HYDIN: variants seen among roughly 807,000 people sequenced by gnomAD.
HYDIN encodes HYDIN axonemal central pair apparatus protein.
A neutral mutation model predicts 403.9 loss-of-function variants in HYDIN; 132 were observed. The observed-to-expected ratio is 0.33, with a 90% CI of 0.28 to 0.38. The LOEUF is 0.38. HYDIN is among the 10% of genes least tolerant of loss of function. The pLI is 1.00. For missense variants in HYDIN, 2,827 were observed against 5,009.5 expected (o/e 0.56, Z 13.15); for synonymous variants, 1,202 against 1,891.7 (o/e 0.64, Z 9.46).
intron 45 of HYDIN, among the ~76,000 whole-genome samples, 166 bp from the exon 46 acceptor site, chr16:70,921,383 ATCTAAATC>A (rs947513465): frequency 1.3e-5 from 2 of 152,130 alleles, no homozygotes; most frequent in Admixed American, 1.3e-4. Context: ...GGGGGTTTTA[ATCTAAATC>A]TAAAAATCTA....
intron 7 of HYDIN, among the ~76,000 whole-genome samples, chr16:71,137,560 GC>G (rs1043522285): frequency 1.3e-5 from 2 of 151,852 alleles, no homozygotes; most frequent in African/African-American, 4.8e-5. Context: ...AAGCTATCTT[GC>G]CTGGTCATTG....
At chr16:71,206,938 A>C (rs1465994776) in intron 1 of HYDIN, among the ~76,000 whole-genome samples, 1 of 152,238 alleles carries the variant, frequency 6.6e-6, no homozygotes, top group Non-Finnish European at 1.5e-5. Flanking sequence ...AAAGAGACCA[A>C]ATCTATGACT....
chr16:71,064,885 T>C (rs546816552), intron 15 of HYDIN, 45 bp from the exon 16 acceptor site: 24 of 1,596,332 alleles, frequency 1.5e-5, no homozygotes, highest in Non-Finnish European at 2.0e-5. Flanking sequence ...GAGAGCTTGT[T>C]TACATACAGA....
chr16:71,052,062 G>A (rs1035371490), intron 18 of HYDIN, among the ~76,000 whole-genome samples: 2 of 152,258 alleles, frequency 1.3e-5, no homozygotes, highest in Non-Finnish European at 1.5e-5. Context: ...TCATAGTAAA[G>A]CTCCAGTGTT....
intron 28 of HYDIN, 51 bp downstream of exon 28, chr16:70,985,134 C>T (rs745452582): frequency 1.7e-5 from 27 of 1,566,862 alleles, no homozygotes; most frequent in Non-Finnish European, 2.1e-5. Flanking sequence ...TCACCTGCTT[C>T]GGAGTGGGGC....
At chr16:71,070,884 G>A (rs2082446746) in intron 13 of HYDIN, among the ~76,000 whole-genome samples, 1 of 143,088 alleles carries the variant, frequency 7.0e-6, no homozygotes, top group African/African-American at 2.6e-5. Context: ...TAGGCCATTG[G>A]AGGAAACACA....
At chr16:71,011,581 A>C (rs537281104) in intron 23 of HYDIN, among the ~76,000 whole-genome samples, 98 of 151,042 alleles carry the variant, frequency 6.5e-4, no homozygotes, top group African/African-American at 2.2e-3. Context: ...CAACAAAAAA[A>C]CCAGAAATTA....
At chr16:71,201,256 C>A (rs2087993104) in intron 1 of HYDIN, among the ~76,000 whole-genome samples, 1 of 152,146 alleles carries the variant, frequency 6.6e-6, no homozygotes, top group African/African-American at 2.4e-5. Flanking sequence ...GTTATACATG[C>A]CTTGCATAGT....
chr16:71,222,628 G>A (rs985620686), intron 1 of HYDIN, among the ~76,000 whole-genome samples: 2 of 152,092 alleles, frequency 1.3e-5, no homozygotes, highest in African/African-American at 4.8e-5. Flanking sequence ...AACGAATTCA[G>A]TAAAGTCTGA....
chr16:70,997,946 C>G (rs1036292069), intron 23 of HYDIN, among the ~76,000 whole-genome samples: 15 of 151,404 alleles, frequency 9.9e-5, no homozygotes, highest in Non-Finnish European at 1.9e-4. Flanking sequence ...TGTAATACAA[C>G]TTTGCTTCTC....
intron 75 of HYDIN, among the ~76,000 whole-genome samples, chr16:70,844,670 C>G (rs1195506491): frequency 8.2e-4 from 117 of 143,000 alleles, no homozygotes; most frequent in Non-Finnish European, 1.5e-3. Flanking sequence ...TTCTTCCTAC[C>G]CATGAGCATG....
intron 22 of HYDIN, among the ~76,000 whole-genome samples, chr16:71,019,358 TTAAC>T (rs1452666370): frequency 6.6e-6 from 1 of 152,286 alleles, no homozygotes; most frequent in Non-Finnish European, 1.5e-5. Flanking sequence ...ATTCTGGTAT[TTAAC>T]TGTGCATTTA....
chr16:71,167,668 C>T (rs2086287476), intron 5 of HYDIN, among the ~76,000 whole-genome samples: 1 of 152,020 alleles, frequency 6.6e-6, no homozygotes, highest in Non-Finnish European at 1.5e-5. Context: ...TTCACACACC[C>T]ATAAAAGAAT....
chr16:71,092,570 G>A (rs2083144004), intron 11 of HYDIN, among the ~76,000 whole-genome samples: 1 of 152,026 alleles, frequency 6.6e-6, no homozygotes, highest in Non-Finnish European at 1.5e-5. Context: ...TTATTGTTTT[G>A]GGGTGGTTTT....
intron 55 of HYDIN, among the ~76,000 whole-genome samples, chr16:70,892,979 C>G (rs979963413): frequency 6.6e-6 from 1 of 152,158 alleles, no homozygotes; most frequent in Non-Finnish European, 1.5e-5. Flanking sequence ...CCATGGCCTA[C>G]TGGAGGTGAG....
At chr16:71,139,001 T>C (rs2085050310) in intron 7 of HYDIN, among the ~76,000 whole-genome samples, 1 of 151,116 alleles carries the variant, frequency 6.6e-6, no homozygotes, top group African/African-American at 2.4e-5. Flanking sequence ...GGAGAATCAC[T>C]TGAACCCGGG....
chr16:71,141,307 C>A (rs1437992823), intron 7 of HYDIN, among the ~76,000 whole-genome samples: 1 of 148,954 alleles, frequency 6.7e-6, no homozygotes, highest in Non-Finnish European at 1.5e-5. Context: ...TATCTCATAT[C>A]TTATATCAGA....
intron 9 of HYDIN, among the ~76,000 whole-genome samples, chr16:71,126,575 G>A (rs1185996870): frequency 6.6e-6 from 1 of 152,168 alleles, no homozygotes; most frequent in Admixed American, 6.5e-5. Context: ...CTTCCCAGCT[G>A]CAGTGGAGAT....
intron 78 of HYDIN, among the ~76,000 whole-genome samples, chr16:70,834,901 T>TATAC (rs1555539445): frequency 1.4e-5 from 2 of 146,148 alleles, no homozygotes; most frequent in African/African-American, 5.1e-5. Context: ...TATATATATA[T>TATAC]ACACACACAC....
Sources: gnomAD v4.1 joint callset for allele counts (sites outside exome capture counted in the v4.1 genomes callset) on GRCh38, gnomAD v4.1.1 for gene constraint, MANE v1.5 for transcripts, NCBI Gene and HGNC (gene_info 2026-07-23, HGNC 2026-07-21) for gene names.